FHOD3: variants seen among roughly 807,000 people sequenced by gnomAD.
FHOD3 encodes FH1/FH2 domain-containing protein 3.
FHOD3 carries 90 observed loss-of-function variants against 173.0 expected under a neutral mutation model. The observed-to-expected ratio is 0.52, with a 90% CI of 0.44 to 0.62. The LOEUF (loss-of-function observed/expected upper bound fraction) is 0.62. Among genes scored for constraint, FHOD3 ranks in the 20% least tolerant of loss-of-function variants. The pLI is 0.00. For missense variants in FHOD3, 1,945 were observed against 2,034.7 expected (o/e 0.96, Z 0.85); for synonymous variants, 828 against 823.0 (o/e 1.01, Z -0.10).
At chr18:36,334,802 G>A (rs1383162911) in intron 1 of FHOD3, among the ~76,000 whole-genome samples, 3 of 152,216 alleles carry the variant, frequency 2.0e-5, no homozygotes, top group African/African-American at 7.2e-5. Context: ...TTAGGTTTTA[G>A]TGGAATAAAA....
chr18:36,299,203 G>A (rs766044298), intron 1 of FHOD3, among the ~76,000 whole-genome samples: 5 of 152,010 alleles, frequency 3.3e-5, no homozygotes, highest in Non-Finnish European at 7.4e-5. Context: ...AGTTAGTAAC[G>A]TTTTCAGGAA....
chr18:36,509,426 CAAAAAAAAAAAAAAAG>C (rs1440473856), intron 4 of FHOD3, among the ~76,000 whole-genome samples: 1 of 54,846 alleles, frequency 1.8e-5, no homozygotes. Flanking sequence ...GACTCCATCT[CAAAAAAAAAAAAAAAG>C]AAAAAAAAAA....
intron 1 of FHOD3, among the ~76,000 whole-genome samples, chr18:36,341,188 T>C (rs2045601153): frequency 6.6e-6 from 1 of 152,242 alleles, no homozygotes; most frequent in Non-Finnish European, 1.5e-5. Flanking sequence ...AGTGCCATCC[T>C]CATAGGCTTG....
chr18:36,440,702 A>C (rs1311994007), intron 3 of FHOD3, among the ~76,000 whole-genome samples: 2 of 152,258 alleles, frequency 1.3e-5, no homozygotes, highest in Non-Finnish European at 2.9e-5. Context: ...TATGGTAGAA[A>C]AAACCCAATA....
In FHOD3 at chr18:36,576,562, G is replaced by A. The variant is rs750716412; in HGVS notation, c.606+17G>A. On this transcript the variant is annotated intron_variant, in intron 6 of 28. Transcript: ENST00000590592. ...GGGTCAAAGGTAAGGGGAAGTTATGGTTGACTGTTTTGTTCACTTGTCATA... is the reference window on the plus strand; with the variant it reads ...GGGTCAAAGGTAAGGGGAAGTTATGATTGACTGTTTTGTTCACTTGTCATA... 3 of 1,590,320 alleles carry A rather than the reference G, an allele frequency of 1.9e-6. No individual in the cohort carries two copies. The highest frequency in any genetic ancestry group is 2.6e-6 in the Non-Finnish European group (3 of 1,163,720).
intron 1 of FHOD3, among the ~76,000 whole-genome samples, chr18:36,308,559 C>T (rs2092164583): frequency 6.6e-6 from 1 of 152,146 alleles, no homozygotes; most frequent in Non-Finnish European, 1.5e-5. Context: ...TTTTGAAGAA[C>T]AAAACTCATT....
intron 3 of FHOD3, among the ~76,000 whole-genome samples, chr18:36,403,375 C>T (rs2048914817): frequency 6.6e-6 from 1 of 152,228 alleles, no homozygotes; most frequent in South Asian, 2.1e-4. Flanking sequence ...TTCCCTAATT[C>T]TGTTCCCACC....
chr18:36,582,602 T>C (rs1405948925), intron 6 of FHOD3, among the ~76,000 whole-genome samples: 2 of 152,212 alleles, frequency 1.3e-5, no homozygotes, highest in Non-Finnish European at 2.9e-5. Flanking sequence ...GGAAGCAAAG[T>C]ATTTACAGGC....
intron 17 of FHOD3, among the ~76,000 whole-genome samples, chr18:36,699,936 C>T (rs2039489660): frequency 6.6e-6 from 1 of 152,164 alleles, no homozygotes; most frequent in East Asian, 1.9e-4. Flanking sequence ...GATCCATCCC[C>T]CTCTGGATGC....
chr18:36,315,760 AT>A, intron 1 of FHOD3, among the ~76,000 whole-genome samples: 1 of 152,092 alleles, frequency 6.6e-6, no homozygotes. Flanking sequence ...CAGATCTGCG[AT>A]GTCCTAGTGA....
chr18:36,548,159 T>A (rs1489561755), intron 5 of FHOD3, among the ~76,000 whole-genome samples: 2 of 152,128 alleles, frequency 1.3e-5, no homozygotes, highest in Non-Finnish European at 2.9e-5. Context: ...GCCACTGCAC[T>A]CCAGCCTGGG....
intron 28 of FHOD3, among the ~76,000 whole-genome samples, chr18:36,771,272 G>T (rs979556516): frequency 6.6e-6 from 1 of 152,176 alleles, no homozygotes; most frequent in Non-Finnish European, 1.5e-5. Context: ...CAGCACCGGG[G>T]CATGAGACCA....
At chr18:36,550,814 C>T (rs765969467) in intron 5 of FHOD3, among the ~76,000 whole-genome samples, 2 of 152,056 alleles carry the variant, frequency 1.3e-5, no homozygotes, top group African/African-American at 2.4e-5. Context: ...GTTCTACTAG[C>T]TTTTCTGTAG....
At chr18:36,613,748 A>G (rs1475614409) in intron 9 of FHOD3, among the ~76,000 whole-genome samples, 1 of 152,076 alleles carries the variant, frequency 6.6e-6, no homozygotes, top group East Asian at 1.9e-4. Context: ...ATCTCGGCTC[A>G]CTGCAACCTC....
intron 1 of FHOD3, among the ~76,000 whole-genome samples, chr18:36,330,634 A>G (rs1165746702): frequency 6.6e-6 from 1 of 152,154 alleles, no homozygotes; most frequent in Admixed American, 6.5e-5. Context: ...AGGAGGGATC[A>G]AGCCTGTGAA....
At chr18:36,645,982 C>A (rs56158388) in intron 10 of FHOD3, among the ~76,000 whole-genome samples, 2 of 152,006 alleles carry the variant, frequency 1.3e-5, no homozygotes, top group African/African-American at 4.8e-5. Flanking sequence ...TATGACAAAC[C>A]TTATACTTTT....
intron 15 of FHOD3, among the ~76,000 whole-genome samples, chr18:36,686,106 A>G (rs1287461424): frequency 6.6e-6 from 1 of 152,166 alleles, no homozygotes; most frequent in East Asian, 1.9e-4. Flanking sequence ...TACTGGGTAT[A>G]TACCCAAAGG....
chr18:36,392,306 T>C (rs758060034), intron 3 of FHOD3, among the ~76,000 whole-genome samples: 4 of 152,208 alleles, frequency 2.6e-5, no homozygotes, highest in Non-Finnish European at 5.9e-5. Flanking sequence ...TAACACATGA[T>C]GGGTCTTAAT....
At chr18:36,674,288 C>G (rs1167181961) in intron 14 of FHOD3, among the ~76,000 whole-genome samples, 1 of 152,214 alleles carries the variant, frequency 6.6e-6, no homozygotes, top group Admixed American at 6.5e-5. Context: ...GAAAACAGTG[C>G]TGAGGGTTGA....
Sources: allele counts gnomAD v4.1 joint callset (sites outside exome capture counted in the v4.1 genomes callset), GRCh38; gene constraint gnomAD v4.1.1; transcripts MANE v1.5; gene names NCBI Gene and HGNC (gene_info 2026-07-23, HGNC 2026-07-21).